SBNO1: variants seen among roughly 807,000 people sequenced by gnomAD.
The protein encoded by SBNO1 is protein strawberry notch homolog 1.
Under a neutral mutation model 173.6 loss-of-function variants are expected in SBNO1, and 23 were observed. That is an observed-to-expected ratio of 0.13 (90% confidence interval 0.10 to 0.19). SBNO1 has a LOEUF of 0.19. Among genes scored for constraint, SBNO1 ranks in the 10% least tolerant of loss-of-function variants. SBNO1 has a pLI of 1.00. For missense variants in SBNO1, 1,238 were observed against 1,671.2 expected, an observed-to-expected ratio of 0.74 and a Z score of 4.52; for synonymous variants, 632 against 571.5, an observed-to-expected ratio of 1.11 and a Z score of -1.51.
At position 123,327,352 on chromosome 12, in the gene SBNO1, C is replaced by T. The variant is rs562296689; in HGVS notation, c.1692+74G>A. 6.4e-5 allele frequency: 81 copies of T among 1,272,594 alleles called. No individual in the cohort carries two copies. In the South Asian group the frequency reaches 8.2e-4, roughly 13 times the overall value. 78.8% of individuals were successfully genotyped at this position (1,272,594 alleles called of 1,614,324 possible). Reference sequence around the variant, plus strand: ...ATACATTCCCATGGGCAGGAGGCATCGCAATCGCCAAAACTAACAGAAACA... The same window carrying T: ...ATACATTCCCATGGGCAGGAGGCATTGCAATCGCCAAAACTAACAGAAACA... On this transcript the variant is annotated intron_variant, in intron 13 of 31. Coordinates refer to ENST00000602398, the MANE Select transcript of SBNO1 (RefSeq NM_001167856.3).
chr12:123,332,221 T>C (rs1871302115), intron 7 of SBNO1, among the ~76,000 whole-genome samples: 1 of 152,210 alleles, frequency 6.6e-6, no homozygotes, highest in Admixed American at 6.5e-5. Context: ...GTAATGAAAG[T>C]TAACAAATTA....
At chr12:123,304,781 G>A (rs760018934) in intron 28 of SBNO1, 62 bp from the exon 29 acceptor site, 25 of 1,083,698 alleles carry the variant, frequency 2.3e-5, no homozygotes, top group Non-Finnish European at 3.4e-5. Context: ...ACATGTTTCT[G>A]TACCATCACG....
chr12:123,310,371 T>C (rs1418278912), intron 25 of SBNO1, among the ~76,000 whole-genome samples: 5 of 150,712 alleles, frequency 3.3e-5, no homozygotes, highest in East Asian at 3.9e-4. Context: ...GTAGCTGGGA[T>C]TACAGGCGCC....
rs11057271 is a variant in SBNO1, at chr12:123,326,951, A to C, written c.1692+475T>G. Among the ~76,000 whole-genome samples the C allele has an allele frequency of 3.7e-3, 556 of 152,142 alleles. 2 individuals are homozygous for C. Among genetic ancestry groups the C allele is most frequent in the East Asian group, 0.014 (71 of 5,182 alleles). On this transcript the variant is annotated intron_variant, in intron 13 of 31. Coordinates refer to ENST00000602398, the MANE Select transcript of SBNO1 (RefSeq NM_001167856.3). The stretch of plus-strand genomic sequence containing the variant: ...CAATTAAAAACAAAAACAAAAAAAA[A>C]CACATTGGTTAAACAGCCTATCATC...
At chr12:123,364,405 G>A in intron 1 of SBNO1, 2 of 985,504 alleles carry the variant, frequency 2.0e-6, no homozygotes, top group Non-Finnish European at 2.4e-6. Flanking sequence ...CAAGAGGGGT[G>A]CCTCCGGCCC....
At chr12:123,332,352 C>T (rs1392378142) in intron 7 of SBNO1, among the ~76,000 whole-genome samples, 1 of 152,110 alleles carries the variant, frequency 6.6e-6, no homozygotes, top group Admixed American at 6.5e-5. Context: ...AGTGCAATGG[C>T]ACAATCTCGG....
At chr12:123,350,973 T>C (rs1873804416) in intron 1 of SBNO1, among the ~76,000 whole-genome samples, 1 of 152,030 alleles carries the variant, frequency 6.6e-6, no homozygotes, top group African/African-American at 2.4e-5. Context: ...AATACAAAAA[T>C]TAGCCACATG....
intron 5 of SBNO1, among the ~76,000 whole-genome samples, chr12:123,338,246 G>T (rs976750283): frequency 1.3e-5 from 2 of 152,308 alleles, no homozygotes; most frequent in South Asian, 4.1e-4. Context: ...AAAATACCAT[G>T]AAGGCCAAAC....
chr12:123,339,910 C>A (rs376856644), intron 5 of SBNO1, among the ~76,000 whole-genome samples: 7 of 152,172 alleles, frequency 4.6e-5, no homozygotes, highest in Admixed American at 2.0e-4. Context: ...ATACTCACTA[C>A]CTCCCCTCTG....
At position 123,298,859 on chromosome 12, in the gene SBNO1, G is replaced by A. The variant is rs535025960; in HGVS notation, c.3846-688C>T. ...AATCACAGCTCTTTGGGAGGCTGAG[G>A]AGGGAGTATTGTTCGAGTTCAGGAG... On this transcript the variant is annotated intron_variant, in intron 30 of 31. Coordinates refer to ENST00000602398, the MANE Select transcript of SBNO1 (RefSeq NM_001167856.3). Among the ~76,000 whole-genome samples the A allele has an allele frequency of 9.8e-5, 15 of 152,308 alleles. No individual in the cohort carries two copies. The South Asian group carries it at 2.7e-3, about 27-fold the overall frequency.
rs1400290352 is a variant in SBNO1, at chr12:123,327,769, G to A, written c.1476C>T (p.Gly492=). The A allele has an allele frequency of 6.2e-7, 1 of 1,613,796 alleles. No individual in the cohort carries two copies. Among genetic ancestry groups the A allele is most frequent in the Non-Finnish European group, 8.5e-7 (1 of 1,179,932 alleles). The part of the protein sequence containing the change: ...PRNMAYMNRL[G]IWGEGTPFRE... Reference sequence around the variant, plus strand: ...TAAATGGAGTACCCTCACCCCATATGCCAAGACGGTTCATATAGGCCATGT... The same window carrying A: ...TAAATGGAGTACCCTCACCCCATATACCAAGACGGTTCATATAGGCCATGT... The change falls in exon 12 of 32, where the codon GGC becomes GGT. Residue 492 remains glycine (G), a synonymous_variant. Coordinates refer to ENST00000602398, the MANE Select transcript of SBNO1 (RefSeq NM_001167856.3).
rs934605655 is a variant in SBNO1, at chr12:123,363,894, AG to A, written c.-1+806del. 13 of 985,556 alleles carry A rather than the reference AG, an allele frequency of 1.3e-5. No homozygotes were observed. In the Admixed American group the frequency reaches 3.1e-4, roughly 23 times the overall value. The allele number at this position is 985,556 out of a possible 1,614,324, so 61.1% of individuals were successfully genotyped here. A position where few individuals can be genotyped will look rare whatever the true frequency, so the allele number is the denominator to read the frequency against. ...AGGAAAGAAACAATCAGAAGGGTTTAGGAACATCCAAATCTCCTCAGCGGTT... is the reference window on the plus strand; with the variant it reads ...AGGAAAGAAACAATCAGAAGGGTTTAGAACATCCAAATCTCCTCAGCGGTT... On this transcript the variant is annotated intron_variant, in intron 1 of 31. Transcript: ENST00000602398.
At chr12:123,320,107 G>A in intron 19 of SBNO1, 76 bp from the exon 20 acceptor site, 2 of 1,513,360 alleles carry the variant, frequency 1.3e-6, no homozygotes, top group South Asian at 1.2e-5. Context: ...TTTCCTTGAA[G>A]ACACTTGGGA....
intron 30 of SBNO1, among the ~76,000 whole-genome samples, chr12:123,299,009 G>C (rs1340648421): frequency 1.3e-5 from 2 of 151,964 alleles, no homozygotes; most frequent in South Asian, 4.2e-4. Flanking sequence ...GACAGCTTGA[G>C]ACCAGGAGTT....
At chr12:123,334,648 C>T (rs995825074) in intron 6 of SBNO1, among the ~76,000 whole-genome samples, 1 of 152,124 alleles carries the variant, frequency 6.6e-6, no homozygotes, top group Admixed American at 6.5e-5. Context: ...ACGGAGGTTG[C>T]AGGGAGCCGA....
intron 20 of SBNO1, 46 bp downstream of exon 20, chr12:123,319,854 T>C (rs759145656): frequency 6.4e-6 from 10 of 1,558,400 alleles, no homozygotes; most frequent in African/African-American, 1.4e-5. Flanking sequence ...AATCTAAATA[T>C]ACAGGCATTG....
At chr12:123,296,549 A>G (rs1401744044) in intron 31 of SBNO1, among the ~76,000 whole-genome samples, 1 of 140,890 alleles carries the variant, frequency 7.1e-6, no homozygotes, top group East Asian at 2.5e-4. Context: ...ATGCATATAT[A>G]TATGTGTTTT....
In SBNO1 at chr12:123,364,831, G is replaced by A. The variant is rs1025700886; in HGVS notation, c.-131C>T. 6.2e-6 allele frequency: 6 copies of A among 965,300 alleles called. No individual in the cohort carries two copies. The highest frequency in any genetic ancestry group is 1.2e-4 in the East Asian group (1 of 8,626). The allele number at this position is 965,300 out of a possible 1,614,324, so 59.8% of individuals were successfully genotyped here. On this transcript the variant is annotated 5_prime_UTR_variant, in exon 1 of 32. Transcript: ENST00000602398. ...GTCCTGCTCTGCCTACCTCCCCGCC[G>A]CCATCTTGACGCCCCTCCCCCAGCC...
chr12:123,341,044 CTTT>C lies in SBNO1; in HGVS notation c.592_594del (p.Lys198del). On this transcript the variant is annotated inframe_deletion, in exon 5 of 32. Transcript: ENST00000602398. Reference sequence around the variant, plus strand: ...TCGTTTATCCACATTCTAGCTCCTTCTTTATTAGAAGACTCTTTCTTTACTGTA... The same window carrying C: ...TCGTTTATCCACATTCTAGCTCCTTCATTAGAAGACTCTTTCTTTACTGTA... 6.2e-7 allele frequency: 1 copy of C among 1,604,326 alleles called. No homozygotes were observed. The highest frequency in any genetic ancestry group is 8.5e-7 in the Non-Finnish European group (1 of 1,175,662).
Sources: gnomAD v4.1 joint callset for allele counts (sites outside exome capture counted in the v4.1 genomes callset) on GRCh38, gnomAD v4.1.1 for gene constraint, MANE v1.5 for transcripts, NCBI Gene and HGNC (gene_info 2026-07-23, HGNC 2026-07-21) for gene names.